DLGAP2: variants seen among roughly 807,000 people sequenced by gnomAD.
DLGAP2 encodes disks large-associated protein 2.
Under a neutral mutation model 100.3 loss-of-function variants are expected in DLGAP2, and 26 were observed. That is an observed-to-expected ratio of 0.26 (90% CI 0.19 to 0.36). The LOEUF (loss-of-function observed/expected upper bound fraction) is 0.36. Ranked by LOEUF, DLGAP2 falls within the 10% of genes least tolerant of loss-of-function variation. The pLI is 1.00. For missense variants in DLGAP2, 1,858 were observed against 1,453.2 expected, an observed-to-expected ratio of 1.28 and a Z score of -4.53; for synonymous variants, 886 against 630.1, an observed-to-expected ratio of 1.41 and a Z score of -6.08.
intron 2 of DLGAP2, among the ~76,000 whole-genome samples, chr8:974,905 A>G (rs978085971): frequency 1.3e-5 from 2 of 152,188 alleles, no homozygotes; most frequent in Non-Finnish European, 2.9e-5. Flanking sequence ...GAGAAAAGAA[A>G]TCAATGAAAC....
intron 6 of DLGAP2, among the ~76,000 whole-genome samples, chr8:1,595,568 G>A (rs979799503): frequency 2.0e-5 from 3 of 150,754 alleles, no homozygotes; most frequent in Non-Finnish European, 4.4e-5. Flanking sequence ...TCGGGAGGCT[G>A]AGGCAGGAGA....
chr8:937,645 A>G (rs1295604419), intron 2 of DLGAP2, among the ~76,000 whole-genome samples: 1 of 152,148 alleles, frequency 6.6e-6, no homozygotes, highest in Non-Finnish European at 1.5e-5. Flanking sequence ...TACCCTTGGA[A>G]GGCAGGGGCC....
intron 3 of DLGAP2, among the ~76,000 whole-genome samples, chr8:1,348,775 A>C (rs1801633483): frequency 6.6e-6 from 1 of 152,212 alleles, no homozygotes; most frequent in African/African-American, 2.4e-5. Context: ...CAAAGGAGCC[A>C]ACCCATTGTG....
chr8:1,436,718 C>T (rs1250101982), intron 3 of DLGAP2, among the ~76,000 whole-genome samples: 2 of 152,198 alleles, frequency 1.3e-5, no homozygotes, highest in Non-Finnish European at 2.9e-5. Flanking sequence ...ATTCACTCCC[C>T]ACTCACCCAT....
At chr8:886,729 T>C (rs1209667273) in intron 1 of DLGAP2, among the ~76,000 whole-genome samples, 1 of 152,190 alleles carries the variant, frequency 6.6e-6, no homozygotes, top group Non-Finnish European at 1.5e-5. Context: ...CACTGTGGTC[T>C]GGAGAGACTG....
At chr8:1,676,052 G>A (rs1013200609) in intron 10 of DLGAP2, among the ~76,000 whole-genome samples, 12 of 152,216 alleles carry the variant, frequency 7.9e-5, no homozygotes, top group African/African-American at 2.7e-4. Flanking sequence ...TGAAGGTGGA[G>A]AGTTTGCCTC....
At chr8:1,320,927 CTG>C (rs1178346140) in intron 3 of DLGAP2, among the ~76,000 whole-genome samples, 3 of 152,208 alleles carry the variant, frequency 2.0e-5, no homozygotes, top group African/African-American at 4.8e-5. Flanking sequence ...GTGCATGTAT[CTG>C]TGTGTATACA....
At chr8:856,188 T>TTTCTTCTTCTTC (rs1563065834) in intron 1 of DLGAP2, among the ~76,000 whole-genome samples, 1 of 44,730 alleles carries the variant, frequency 2.2e-5, no homozygotes, top group South Asian at 8.6e-4. Flanking sequence ...TCTTCTTCTT[T>TTTCTTCTTCTTC]TTTTTTTTTT....
intron 2 of DLGAP2, among the ~76,000 whole-genome samples, chr8:968,148 G>T (rs547264283): frequency 1.3e-5 from 2 of 151,772 alleles, no homozygotes; most frequent in South Asian, 2.1e-4. Flanking sequence ...AGTCTGATTT[G>T]TGACTTCTGT....
intron 3 of DLGAP2, among the ~76,000 whole-genome samples, chr8:1,453,220 T>C (rs1798212208): frequency 6.6e-6 from 1 of 152,074 alleles, no homozygotes; most frequent in African/African-American, 2.4e-5. Flanking sequence ...CACACAGTTC[T>C]CGGAGCTGGG....
chr8:1,116,557 A>T (rs565501288), intron 2 of DLGAP2, among the ~76,000 whole-genome samples: 4 of 152,318 alleles, frequency 2.6e-5, no homozygotes, highest in South Asian at 2.1e-4. Flanking sequence ...GCACTTAGGG[A>T]GGCCAATGTG....
At position 1,517,398 on chromosome 8, in the gene DLGAP2, C is replaced by T. The variant is rs537671513; in HGVS notation, c.172+15967C>T. 1.4e-3 allele frequency among the ~76,000 whole-genome samples: 220 copies of T among 152,238 alleles called. 5 individuals are homozygous for T. Among genetic ancestry groups the T allele is most frequent in the Admixed American group, 0.013 (192 of 15,294 alleles). On this transcript the variant is annotated intron_variant, in intron 4 of 14. Coordinates refer to ENST00000637795, the MANE Select transcript of DLGAP2 (RefSeq NM_001346810.2). Reference sequence around the variant, plus strand: ...GGGAGGGGCCGTGGTGAGGGGCACCCCTGGGCGCCCAGTGCTTGGTCCTGC... The same window carrying T: ...GGGAGGGGCCGTGGTGAGGGGCACCTCTGGGCGCCCAGTGCTTGGTCCTGC...
At chr8:784,991 A>G (rs1000559797) in intron 1 of DLGAP2, among the ~76,000 whole-genome samples, 5 of 151,878 alleles carry the variant, frequency 3.3e-5, no homozygotes, top group Non-Finnish European at 7.4e-5. Context: ...GCGGATCACA[A>G]GGTCAGGAGA....
At chr8:1,459,036 A>T (rs760254620) in intron 3 of DLGAP2, among the ~76,000 whole-genome samples, 3 of 151,884 alleles carry the variant, frequency 2.0e-5, no homozygotes, top group Non-Finnish European at 4.4e-5. Flanking sequence ...AGTGACAGCC[A>T]GCTGGTTTAC....
chr8:874,143 A>G (rs1486820791), intron 1 of DLGAP2, among the ~76,000 whole-genome samples: 3 of 151,714 alleles, frequency 2.0e-5, no homozygotes, highest in African/African-American at 7.3e-5. Context: ...TTTTGTTGAT[A>G]TTTTCAAAAA....
chr8:1,463,499 C>T (rs745619913), intron 3 of DLGAP2, among the ~76,000 whole-genome samples: 16 of 152,230 alleles, frequency 1.1e-4, no homozygotes, highest in Non-Finnish European at 2.2e-4. Flanking sequence ...CAGGCAGCCT[C>T]GGGTATGGTT....
intron 6 of DLGAP2, among the ~76,000 whole-genome samples, chr8:1,597,686 C>T (rs2957083): frequency 0.73 from 110,195 of 151,948 alleles, 40,340 homozygotes; most frequent in East Asian, 0.92. Context: ...TATTGGTGTA[C>T]AGGAATGCTT....
At position 823,057 on chromosome 8, in the gene DLGAP2, G is replaced by C. The variant is rs929179471; in HGVS notation, c.19-84855G>C. 7.2e-5 allele frequency among the ~76,000 whole-genome samples: 11 copies of C among 152,018 alleles called. No individual in the cohort carries two copies. The East Asian group carries it at 1.4e-3, about 19-fold the overall frequency. ...ACTGATGGAAAGGTCTAAATTTCAG[G>C]GGGGGCCATGTTGCTGCCACTGCCT... is the stretch of plus-strand genomic sequence containing the variant. On this transcript the variant is annotated intron_variant, in intron 1 of 14. Coordinates refer to ENST00000637795, the MANE Select transcript of DLGAP2 (RefSeq NM_001346810.2).
Position 1,704,099 on chromosome 8 carries a change from G to C in DLGAP2, c.*2693G>C, listed in dbSNP as rs1422146877. On this transcript the variant is annotated 3_prime_UTR_variant, in exon 15 of 15. Transcript: ENST00000637795. ...TGTACATGTAAAGAAAAATAAAACT[G>C]TTTATGATACTTGTGTTAGTCACTC... 6.6e-6 allele frequency: 1 copy of C among 152,600 alleles called. No individual in the cohort carries two copies. The highest frequency in any genetic ancestry group is 1.5e-5 in the Non-Finnish European group (1 of 68,030). The allele number at this position is 152,600 out of a possible 1,614,324, so 9.5% of individuals were successfully genotyped here.
Sources: gnomAD v4.1 joint callset for allele counts (sites outside exome capture counted in the v4.1 genomes callset) on GRCh38, gnomAD v4.1.1 for gene constraint, MANE v1.5 for transcripts, NCBI Gene and HGNC (gene_info 2026-07-23, HGNC 2026-07-21) for gene names.